Variants in GABBR2 observed in about 807,000 individuals in gnomAD.
GABBR2 encodes gamma-aminobutyric acid type B receptor subunit 2, also known as G-protein coupled receptor 51.
GABBR2 carries 23 observed loss-of-function variants against 105.6 expected under a neutral mutation model. The ratio of observed to expected loss-of-function variants is 0.22; its 90% CI spans 0.16 to 0.31. The LOEUF (loss-of-function observed/expected upper bound fraction) is 0.31. Ranked by LOEUF, GABBR2 falls within the 10% of genes least tolerant of loss-of-function variation. GABBR2 has a pLI of 1.00. For synonymous variants in GABBR2, 478 were observed against 499.7 expected (o/e 0.96, Z 0.58); for missense variants, 734 against 1,245.5 (o/e 0.59, Z 6.18).
chr9:98,369,627 C>A (rs1473189151), intron 12 of GABBR2, among the ~76,000 whole-genome samples: 1 of 152,188 alleles, frequency 6.6e-6, no homozygotes, highest in Non-Finnish European at 1.5e-5. Context: ...ACTGCTCGGG[C>A]TGGGTTGCTG....
In GABBR2 at chr9:98,590,598, G is replaced by A. The variant is rs571258905; in HGVS notation, c.322-12526C>T. On this transcript the variant is annotated intron_variant, in intron 1 of 18. Transcript: ENST00000259455. ...TCGGGCTGCCGATCAGGAGAGGGGT[G>A]CTCTTTTCTGCAGGTTTGTGCAAAT... 1.1e-4 allele frequency among the ~76,000 whole-genome samples: 16 copies of A among 152,358 alleles called. No homozygotes were observed. In the South Asian group the frequency reaches 3.1e-3, roughly 30 times the overall value.
intron 1 of GABBR2, among the ~76,000 whole-genome samples, chr9:98,634,090 C>A (rs1413950426): frequency 6.6e-6 from 1 of 152,150 alleles, no homozygotes. Context: ...TAAGTTGGGA[C>A]CCCAACAGCA....
chr9:98,558,889 C>A (rs1322866699), intron 2 of GABBR2, among the ~76,000 whole-genome samples: 10 of 152,290 alleles, frequency 6.6e-5, no homozygotes, highest in African/African-American at 2.4e-4. Flanking sequence ...TAGTACAGTT[C>A]TATGTTTGAC....
At chr9:98,598,010 A>T (rs1829262727) in intron 1 of GABBR2, among the ~76,000 whole-genome samples, 1 of 152,012 alleles carries the variant, frequency 6.6e-6, no homozygotes, top group African/African-American at 2.4e-5. Context: ...TTTAATAGAG[A>T]TGGGGTTTCA....
At chr9:98,480,730 C>T (rs1203443200) in intron 5 of GABBR2, among the ~76,000 whole-genome samples, 6 of 152,080 alleles carry the variant, frequency 3.9e-5, no homozygotes, top group Non-Finnish European at 8.8e-5. Flanking sequence ...GTCCCTGGTT[C>T]CTCGATGATG....
chr9:98,516,531 C>T lies in GABBR2; in HGVS notation c.631-20017G>A, dbSNP rs1320515511. Among the ~76,000 whole-genome samples, 3 of 152,192 alleles carry T rather than the reference C, an allele frequency of 2.0e-5. No homozygotes were observed. In the East Asian group the frequency reaches 5.8e-4, roughly 29 times the overall value. ...GTTTCTTGCCTCTAGACCAATATTG[C>T]CCAAAGCCATTTATTTAACGGCAGC... is the stretch of plus-strand genomic sequence containing the variant. On this transcript the variant is annotated intron_variant, in intron 3 of 18. Transcript: ENST00000259455.
chr9:98,576,526 T>A (rs890457015), intron 2 of GABBR2, among the ~76,000 whole-genome samples: 1 of 152,200 alleles, frequency 6.6e-6, no homozygotes, highest in Admixed American at 6.5e-5. Flanking sequence ...TACAGTCTTA[T>A]CTTAAGGGCC....
chr9:98,468,720 G>T (rs996414109), intron 6 of GABBR2, among the ~76,000 whole-genome samples: 49 of 152,290 alleles, frequency 3.2e-4, no homozygotes, highest in African/African-American at 6.7e-4. Context: ...AAGTTACCTA[G>T]CCCAGGGAGA....
At chr9:98,369,046 C>G (rs972114440) in intron 12 of GABBR2, among the ~76,000 whole-genome samples, 1 of 152,276 alleles carries the variant, frequency 6.6e-6, no homozygotes, top group African/African-American at 2.4e-5. Context: ...TACTGATGCT[C>G]AGCTCCAGCC....
At chr9:98,630,171 T>A (rs1221358591) in intron 1 of GABBR2, among the ~76,000 whole-genome samples, 1 of 152,132 alleles carries the variant, frequency 6.6e-6, no homozygotes, top group Non-Finnish European at 1.5e-5. Context: ...CCAGATACCC[T>A]GGAACAACAG....
chr9:98,608,085 A>T, intron 1 of GABBR2: 1 of 1,308,984 alleles, frequency 7.6e-7, no homozygotes, highest in Middle Eastern at 1.8e-4. Flanking sequence ...AGAACAACGA[A>T]CTCTTCGAGA....
intron 1 of GABBR2, among the ~76,000 whole-genome samples, chr9:98,688,411 A>ATATATATATATATATATATATATATAT (rs397737112): frequency 2.1e-4 from 31 of 148,140 alleles, no homozygotes; most frequent in African/African-American, 4.0e-4. Flanking sequence ...ATATATATAT[A>ATATATATATATATATATATATATATAT]AAATCTCCAG....
chr9:98,338,741 TA>T (rs1831157808), intron 13 of GABBR2, among the ~76,000 whole-genome samples: 1 of 152,220 alleles, frequency 6.6e-6, no homozygotes, highest in South Asian at 2.1e-4. Flanking sequence ...TAACATGAGT[TA>T]ACATGGTTAC....
At chr9:98,402,975 T>C (rs1027995908) in intron 8 of GABBR2, among the ~76,000 whole-genome samples, 1 of 152,058 alleles carries the variant, frequency 6.6e-6, no homozygotes, top group African/African-American at 2.4e-5. Flanking sequence ...GTCCCTCTAT[T>C]GGAGCAAGAG....
chr9:98,508,362 C>T (rs1827557799), intron 3 of GABBR2, among the ~76,000 whole-genome samples: 1 of 152,226 alleles, frequency 6.6e-6, no homozygotes, highest in Non-Finnish European at 1.5e-5. Flanking sequence ...GTGATTTCTG[C>T]ATTTCCAACT....
At chr9:98,661,728 G>A (rs554217771) in intron 1 of GABBR2, among the ~76,000 whole-genome samples, 8 of 152,232 alleles carry the variant, frequency 5.3e-5, no homozygotes, top group South Asian at 2.1e-4. Context: ...TGGATGCTGC[G>A]GACCACTGCC....
At chr9:98,333,508 G>T (rs1051555675) in intron 13 of GABBR2, among the ~76,000 whole-genome samples, 7 of 152,088 alleles carry the variant, frequency 4.6e-5, no homozygotes, top group African/African-American at 1.7e-4. Flanking sequence ...CCATGCTGTG[G>T]CTGCATCATT....
At chr9:98,332,031 T>C (rs1831036082) in intron 13 of GABBR2, among the ~76,000 whole-genome samples, 1 of 152,150 alleles carries the variant, frequency 6.6e-6, no homozygotes, top group Non-Finnish European at 1.5e-5. Context: ...TATGGAGCAA[T>C]TTCCCATCCA....
chr9:98,370,746 C>T (rs972159428), intron 12 of GABBR2, among the ~76,000 whole-genome samples: 3 of 152,202 alleles, frequency 2.0e-5, no homozygotes, highest in South Asian at 2.1e-4. Flanking sequence ...AGGGGAGCTC[C>T]AGTACCACTG....
Sources: allele counts gnomAD v4.1 joint callset (sites outside exome capture counted in the v4.1 genomes callset), GRCh38; gene constraint gnomAD v4.1.1; transcripts MANE v1.5; gene names NCBI Gene and HGNC (gene_info 2026-07-23, HGNC 2026-07-21).